Variants in LOC128462377 observed in about 807,000 individuals in gnomAD.
At chr16:89,408,204 G>A in the LOC128462377 span, among the ~76,000 whole-genome samples, 1 of 152,198 alleles carries the variant, frequency 6.6e-6, no homozygotes, top group Admixed American at 6.5e-5. Context: ...ACTCGGCCAA[G>A]AAACTCCCTG....
the LOC128462377 span, among the ~76,000 whole-genome samples, chr16:89,347,713 T>C: frequency 6.6e-6 from 1 of 152,136 alleles, no homozygotes; most frequent in Admixed American, 6.5e-5. Context: ...ATGTTGAGTA[T>C]TGCTTCAGTA....
chr16:89,327,726 G>A, the LOC128462377 span, among the ~76,000 whole-genome samples: 3 of 151,920 alleles, frequency 2.0e-5, no homozygotes, highest in African/African-American at 7.3e-5. Flanking sequence ...CCATTTATAG[G>A]TGCTCCAAAT....
At chr16:89,337,632 G>A in the LOC128462377 span, among the ~76,000 whole-genome samples, 1 of 151,650 alleles carries the variant, frequency 6.6e-6, no homozygotes, top group Non-Finnish European at 1.5e-5. Flanking sequence ...AGTAGAGATG[G>A]GGTTTCACCG....
At chr16:89,338,010 C>G in the LOC128462377 span, among the ~76,000 whole-genome samples, 1 of 152,216 alleles carries the variant, frequency 6.6e-6, no homozygotes, top group Admixed American at 6.5e-5. Context: ...CTGCCTCCCA[C>G]ATCAGCTGGT....
At chr16:89,323,970 C>T in the LOC128462377 span, 2 of 225,610 alleles carry the variant, frequency 8.9e-6, no homozygotes, top group African/African-American at 4.7e-5. Flanking sequence ...CCCTCCCCTG[C>T]ACCCCAAAAT....
the LOC128462377 span, among the ~76,000 whole-genome samples, chr16:89,346,227 G>A: frequency 8.8e-5 from 12 of 136,422 alleles, no homozygotes; most frequent in East Asian, 1.7e-3. Context: ...CAGCCTGGGC[G>A]ACAGAGGGAG....
the LOC128462377 span, among the ~76,000 whole-genome samples, chr16:89,395,218 G>C: frequency 1.6e-4 from 24 of 152,366 alleles, 1 homozygote; most frequent in African/African-American, 5.1e-4. Context: ...CGTCTTAACA[G>C]AAAGAATTAT....
chr16:89,343,801 C>G, the LOC128462377 span: 1 of 152,332 alleles, frequency 6.6e-6, no homozygotes, highest in Non-Finnish European at 1.5e-5. Context: ...CTCCCTCCAG[C>G]GGTCCCCGCG....
chr16:89,337,415 T>C, the LOC128462377 span, among the ~76,000 whole-genome samples: 2 of 135,384 alleles, frequency 1.5e-5, no homozygotes, highest in Non-Finnish European at 3.1e-5. Context: ...TACATGAACA[T>C]GGTCTAAGCA....
At chr16:89,338,492 G>A in the LOC128462377 span, among the ~76,000 whole-genome samples, 1 of 151,296 alleles carries the variant, frequency 6.6e-6, no homozygotes, top group East Asian at 1.9e-4. Flanking sequence ...CACTTTGGGA[G>A]GCCGAGGCGG....
At chr16:89,330,545 T>C in the LOC128462377 span, among the ~76,000 whole-genome samples, 1 of 150,390 alleles carries the variant, frequency 6.6e-6, no homozygotes, top group Non-Finnish European at 1.5e-5. Flanking sequence ...AGTGCAGTCA[T>C]TGATGGGGTG....
chr16:89,405,331 T>C, the LOC128462377 span, among the ~76,000 whole-genome samples: 7 of 152,174 alleles, frequency 4.6e-5, no homozygotes, highest in Admixed American at 4.6e-4. Flanking sequence ...GTCACATAGG[T>C]AACTGTTTTT....
the LOC128462377 span, among the ~76,000 whole-genome samples, chr16:89,325,594 T>G: frequency 0.011 from 1,690 of 152,250 alleles, 34 homozygotes; most frequent in African/African-American, 0.039. Flanking sequence ...TGACAAGACA[T>G]CCGCGAAGCG....
the LOC128462377 span, among the ~76,000 whole-genome samples, chr16:89,331,407 G>A: frequency 1.3e-5 from 2 of 152,082 alleles, no homozygotes; most frequent in African/African-American, 4.8e-5. Flanking sequence ...CTGACAAACA[G>A]GCAAAAATCC....
chr16:89,331,215 A>G, the LOC128462377 span, among the ~76,000 whole-genome samples: 1 of 152,218 alleles, frequency 6.6e-6, no homozygotes, highest in African/African-American at 2.4e-5. Context: ...TGGATTCCCA[A>G]AGTGCTAGGA....
chr16:89,326,385 C>T, the LOC128462377 span, among the ~76,000 whole-genome samples: 1 of 151,770 alleles, frequency 6.6e-6, no homozygotes, highest in African/African-American at 2.4e-5. Context: ...ACCGCCCCCC[C>T]CACCCCGCTG....
the LOC128462377 span, among the ~76,000 whole-genome samples, chr16:89,368,684 A>C: frequency 6.6e-6 from 1 of 151,748 alleles, no homozygotes; most frequent in African/African-American, 2.4e-5. Context: ...GAAGTGCTAT[A>C]ATTGCTTCAG....
the LOC128462377 span, among the ~76,000 whole-genome samples, chr16:89,404,800 G>A: frequency 6.6e-6 from 1 of 152,226 alleles, no homozygotes; most frequent in South Asian, 2.1e-4. Flanking sequence ...TGAGGATGAA[G>A]GCATCATGGA....
At chr16:89,412,084 C>T in the LOC128462377 span, among the ~76,000 whole-genome samples, 3 of 82,566 alleles carry the variant, frequency 3.6e-5, no homozygotes, top group African/African-American at 1.6e-4. Context: ...CCCCATCCCT[C>T]CCCTCAGCCA....
Sources: allele counts gnomAD v4.1 joint callset (sites outside exome capture counted in the v4.1 genomes callset), GRCh38; gene constraint gnomAD v4.1.1; transcripts MANE v1.5.